The following NTNG2 variants were observed in gnomAD, a reference collection of about 807,000 sequenced individuals.
NTNG2 encodes netrin G2, also known as netrin-G2.
NTNG2 carries 15 observed loss-of-function variants against 47.6 expected under a neutral mutation model. That is an observed-to-expected ratio of 0.32 (90% confidence interval 0.21 to 0.49). The LOEUF is 0.49. Ranked by LOEUF, NTNG2 falls within the 20% of genes least tolerant of loss-of-function variation. The pLI, the probability that NTNG2 is intolerant of heterozygous loss-of-function variation, is 0.99. For synonymous variants in NTNG2, 307 were observed against 324.6 expected (o/e 0.95, Z 0.58); for missense variants, 578 against 764.6 (o/e 0.76, Z 2.88).
Position 132,182,720 on chromosome 9 carries a change from C to T in NTNG2, c.214-15246C>T, listed in dbSNP as rs1053675590. ...GGTTTCAGGTTTTGTGGCTCTTTTC[C>T]ATCTCCCAACACTTGGGGCAGTCTT... On this transcript the variant is annotated intron_variant, in intron 2 of 7. Coordinates refer to ENST00000393229, the MANE Select transcript of NTNG2 (RefSeq NM_032536.4). The surrounding 1 kb of genome is among the most constrained non-coding windows in gnomAD (Gnocchi z 4.2). Among the ~76,000 whole-genome samples, 3 of 152,174 alleles carry T rather than the reference C, an allele frequency of 2.0e-5. No individual in the cohort carries two copies. Among genetic ancestry groups the T allele is most frequent in the Non-Finnish European group, 4.4e-5 (3 of 68,026 alleles).
Position 132,162,575 on chromosome 9 carries a change from T to A in NTNG2, c.-484+336T>A, listed in dbSNP as rs1172075215. Among the ~76,000 whole-genome samples the A allele has an allele frequency of 7.6e-5, 6 of 79,260 alleles. No homozygotes were observed. The East Asian group carries it at 1.6e-3, about 21-fold the overall frequency. 52.0% of individuals were successfully genotyped at this position (79,260 alleles called of 152,430 possible). A position where few individuals can be genotyped will look rare whatever the true frequency, so the allele number is the denominator to read the frequency against. ...GTGTGTGAGAGAGAGACAGAGTGTG[T>A]GTGTGTGTGTGTGTGTGTGTGTGTG... On this transcript the variant is annotated intron_variant, in intron 1 of 7. Transcript: ENST00000393229. The surrounding 1 kb of genome is among the most constrained non-coding windows in gnomAD (Gnocchi z 4.6).
chr9:132,241,162 G>C (rs1209611533), intron 7 of NTNG2, 118 bp downstream of exon 7: 1 of 1,296,248 alleles, frequency 7.7e-7, no homozygotes, highest in African/African-American at 1.5e-5. Flanking sequence ...CTAGCAAGAC[G>C]GGGCAGGGCC....
chr9:132,172,191 T>A (rs1001963338), intron 2 of NTNG2, among the ~76,000 whole-genome samples: 12 of 152,160 alleles, frequency 7.9e-5, no homozygotes, highest in Admixed American at 5.2e-4. Context: ...GGCTTCCGCT[T>A]CTACCTGGAT....
At position 132,218,648 on chromosome 9, in the gene NTNG2, C is replaced by T. The variant is rs561215595; in HGVS notation, c.858-8201C>T. ...AGTAGCTGGGATTACAGGCGCATGC[C>T]ACCACACCCAGCTAATTTTTGTATT... is the stretch of plus-strand genomic sequence containing the variant. On this transcript the variant is annotated intron_variant, in intron 3 of 7. Coordinates refer to ENST00000393229, the MANE Select transcript of NTNG2 (RefSeq NM_032536.4). This position sits in a 1 kb window ranked among gnomAD's most constrained non-coding sequence, Gnocchi z 5.4. Among the ~76,000 whole-genome samples, 56 of 152,206 alleles carry T rather than the reference C, an allele frequency of 3.7e-4. No individual in the cohort carries two copies. Among genetic ancestry groups the T allele is most frequent in the African/African-American group, 1.2e-3 (50 of 41,526 alleles).
At chr9:132,189,337 C>T (rs565401838) in intron 2 of NTNG2, among the ~76,000 whole-genome samples, 81 of 151,850 alleles carry the variant, frequency 5.3e-4, no homozygotes, top group Admixed American at 1.5e-3. Context: ...AATGAAGACC[C>T]AAAACATTGG....
At chr9:132,181,190 C>T (rs1419518067) in intron 2 of NTNG2, among the ~76,000 whole-genome samples, 1 of 152,054 alleles carries the variant, frequency 6.6e-6, no homozygotes, top group Admixed American at 6.6e-5. Flanking sequence ...CTCCAGTGAT[C>T]CTCCCACTTC....
chr9:132,226,227 C>T lies in NTNG2; in HGVS notation c.858-622C>T, dbSNP rs1840745594. 6.6e-6 allele frequency among the ~76,000 whole-genome samples: 1 copy of T among 152,212 alleles called. No homozygotes were observed. Among genetic ancestry groups the T allele is most frequent in the Non-Finnish European group, 1.5e-5 (1 of 68,040 alleles). On this transcript the variant is annotated intron_variant, in intron 3 of 7. Coordinates refer to ENST00000393229, the MANE Select transcript of NTNG2 (RefSeq NM_032536.4). This position sits in a 1 kb window ranked among gnomAD's most constrained non-coding sequence, Gnocchi z 4.8. ...GCAGGATAAATGCTTGATTCTTTCCCTTTATTTACCAGTTTTCAGAATAAT... is the reference window on the plus strand; with the variant it reads ...GCAGGATAAATGCTTGATTCTTTCCTTTTATTTACCAGTTTTCAGAATAAT...
At chr9:132,225,823 T>G (rs1233931462) in intron 3 of NTNG2, among the ~76,000 whole-genome samples, 1 of 152,176 alleles carries the variant, frequency 6.6e-6, no homozygotes, top group Non-Finnish European at 1.5e-5. Flanking sequence ...CGTATCAATT[T>G]TTTCTCCACG....
intron 5 of NTNG2, chr9:132,233,856 A>G (rs1359699431): frequency 6.6e-6 from 1 of 152,120 alleles, no homozygotes; most frequent in Non-Finnish European, 1.5e-5. Flanking sequence ...GCTGGATTTT[A>G]TGATATGTAA....
chr9:132,224,143 T>C (rs1482480954), intron 3 of NTNG2, among the ~76,000 whole-genome samples: 2 of 152,218 alleles, frequency 1.3e-5, no homozygotes, highest in African/African-American at 2.4e-5. Context: ...GGAAGAGGTG[T>C]GTGATTCGTA....
intron 3 of NTNG2, among the ~76,000 whole-genome samples, chr9:132,199,020 A>G (rs567962092): frequency 1.3e-5 from 2 of 152,192 alleles, no homozygotes; most frequent in South Asian, 4.1e-4. Flanking sequence ...CACCTGGGAC[A>G]TTACCTGGTT....
Position 132,229,540 on chromosome 9 carries a change from G to A in NTNG2, c.1031-1032G>A, listed in dbSNP as rs372897815. 1.6e-3 allele frequency among the ~76,000 whole-genome samples: 247 copies of A among 152,192 alleles called. 1 individual carries two copies. Among genetic ancestry groups the A allele is most frequent in the African/African-American group, 5.6e-3 (233 of 41,532 alleles). The stretch of plus-strand genomic sequence containing the variant: ...AACTTGGAGCCCCCAGGACCTCCCC[G>A]TGCCCTGCCTGATGTCCCGCCTGTC... On this transcript the variant is annotated intron_variant, in intron 4 of 7. Coordinates refer to ENST00000393229, the MANE Select transcript of NTNG2 (RefSeq NM_032536.4).
intron 2 of NTNG2, among the ~76,000 whole-genome samples, chr9:132,178,862 A>G (rs1685461952): frequency 6.6e-6 from 1 of 150,668 alleles, no homozygotes; most frequent in Non-Finnish European, 1.5e-5. Context: ...AGACTGAGGC[A>G]GAAGAATTTC....
At chr9:132,187,569 AAGAGAGAG>A (rs66498690) in intron 2 of NTNG2, among the ~76,000 whole-genome samples, 44 of 138,980 alleles carry the variant, frequency 3.2e-4, no homozygotes, top group African/African-American at 6.5e-4. Flanking sequence ...GAGAGGGAGC[AAGAGAGAG>A]AGAGAGAGAG....
rs112179857 is a variant in NTNG2, at chr9:132,162,555, T to TGTGTGTGA, written c.-484+317_-484+318insTGTGTGAG. Among the ~76,000 whole-genome samples the TGTGTGTGA allele has an allele frequency of 8.3e-3, 1,155 of 139,456 alleles. 29 individuals are homozygous for TGTGTGTGA. The highest frequency in any genetic ancestry group is 0.028 in the African/African-American group (1,042 of 36,856). 91.5% of individuals were successfully genotyped at this position (139,456 alleles called of 152,430 possible). On this transcript the variant is annotated intron_variant, in intron 1 of 7. Transcript: ENST00000393229. This position sits in a 1 kb window ranked among gnomAD's most constrained non-coding sequence, Gnocchi z 4.6. ...GTGAGAGTGTGTGTGTGTGTGTGTG[T>TGTGTGTGA]GAGAGAGAGACAGAGTGTGTGTGTG...
intron 3 of NTNG2, among the ~76,000 whole-genome samples, chr9:132,223,699 G>A (rs1426592819): frequency 3.3e-5 from 5 of 152,184 alleles, no homozygotes; most frequent in Non-Finnish European, 7.4e-5. Flanking sequence ...CACACCCCAG[G>A]CGGGACGGGT....
At position 132,198,141 on chromosome 9, in the gene NTNG2, C is replaced by A. The variant is rs1458986114; in HGVS notation, c.389C>A (p.Thr130Asn). ...AACATCACCCTTTCGTGGAACAAGA[C>A]CGTGGAGCTGACCGACGACGTGGTG... ...EANITLSWNK[T>N]VELTDDVVMT... Residue 130 changes from threonine (T) to asparagine (N), a missense_variant, in exon 3 of 8, where the codon ACC (threonine) becomes AAC (asparagine). Transcript: ENST00000393229. The A allele has an allele frequency of 1.2e-6, 2 of 1,613,796 alleles. No homozygotes were observed. The highest frequency in any genetic ancestry group is 1.7e-6 in the Non-Finnish European group (2 of 1,180,002).
chr9:132,192,020 G>A (rs1221949263), intron 2 of NTNG2, among the ~76,000 whole-genome samples: 1 of 152,242 alleles, frequency 6.6e-6, no homozygotes, highest in Non-Finnish European at 1.5e-5. Context: ...CATGCTGAAA[G>A]GCTAGAGGTG....
In NTNG2 at chr9:132,226,045, G is replaced by A. The variant is rs2130930390; in HGVS notation, c.858-804G>A. Among the ~76,000 whole-genome samples the A allele has an allele frequency of 6.6e-6, 1 of 152,264 alleles. No homozygotes were observed. The highest frequency in any genetic ancestry group is 3.4e-3 in the Middle Eastern group (1 of 294). On this transcript the variant is annotated intron_variant, in intron 3 of 7. Coordinates refer to ENST00000393229, the MANE Select transcript of NTNG2 (RefSeq NM_032536.4). This position sits in a 1 kb window ranked among gnomAD's most constrained non-coding sequence, Gnocchi z 4.8. Reference sequence around the variant, plus strand: ...GTTCTTCTAGAGACGCTCACTGTCTGCTGGCCTCTCAGTGGGAAGTTCTGG... The same window carrying A: ...GTTCTTCTAGAGACGCTCACTGTCTACTGGCCTCTCAGTGGGAAGTTCTGG...
Sources: gnomAD v4.1 joint callset for allele counts (sites outside exome capture counted in the v4.1 genomes callset) on GRCh38, gnomAD v4.1.1 for gene constraint, Gnocchi (gnomAD v3.1) non-coding constraint, MANE v1.5 for transcripts, NCBI Gene and HGNC (gene_info 2026-07-23, HGNC 2026-07-21) for gene names.